Variants in KLHL4 observed in about 807,000 individuals in gnomAD.
The protein encoded by KLHL4 is kelch like family member 4.
KLHL4 carries 17 observed loss-of-function variants against 45.8 expected under a neutral mutation model. That is an observed-to-expected ratio of 0.37 (90% CI 0.25 to 0.56). The LOEUF (loss-of-function observed/expected upper bound fraction) is 0.56, where lower values mean the gene tolerates loss of function less well. Among genes scored for constraint, KLHL4 ranks in the 20% least tolerant of loss-of-function variants. The pLI is 0.79. For missense variants in KLHL4, 544 were observed against 544.9 expected (o/e 1.00, Z 0.02); for synonymous variants, 224 against 189.9 (o/e 1.18, Z -1.47).
At chrX:87,655,521 T>G (rs1384156792) in intron 9 of KLHL4, among the ~76,000 whole-genome samples, 3 of 111,883 alleles carry the variant, frequency 2.7e-5, no homozygotes, top group African/African-American at 9.7e-5. Context: ...CTTGCTTTTG[T>G]TTTCCATTTA....
At chrX:87,635,542 C>T in intron 8 of KLHL4, 21 bp from the exon 9 acceptor site, 5 of 1,163,777 alleles carry the variant, frequency 4.3e-6, no homozygotes, top group Non-Finnish European at 5.9e-6. Context: ...TACATACACA[C>T]AATTCTGTCT....
intron 1 of KLHL4, among the ~76,000 whole-genome samples, chrX:87,524,955 A>G (rs1931079237): frequency 8.9e-6 from 1 of 111,750 alleles, no homozygotes; most frequent in South Asian, 3.7e-4. Flanking sequence ...AAAACTGGGT[A>G]TTGGTTGTTG....
intron 1 of KLHL4, among the ~76,000 whole-genome samples, chrX:87,547,735 G>A (rs1931715834): frequency 9.0e-6 from 1 of 110,632 alleles, no homozygotes; most frequent in African/African-American, 3.3e-5. Context: ...GCAGAAGAAT[G>A]GCGTGAACCC....
At chrX:87,523,957 C>T (rs901009070) in intron 1 of KLHL4, among the ~76,000 whole-genome samples, 8 of 109,715 alleles carry the variant, frequency 7.3e-5, no homozygotes, top group African/African-American at 2.3e-4. Flanking sequence ...AGTGAAACTC[C>T]GTCTCAAAAA....
At chrX:87,591,911 T>C (rs963301888) in intron 1 of KLHL4, among the ~76,000 whole-genome samples, 1 of 111,298 alleles carries the variant, frequency 9.0e-6, no homozygotes. Context: ...AGTTGTTATT[T>C]ACTGCAGTCA....
At chrX:87,659,565 A>T (rs1462639994) in intron 9 of KLHL4, among the ~76,000 whole-genome samples, 1 of 97,114 alleles carries the variant, frequency 1.0e-5, no homozygotes, top group Non-Finnish European at 2.2e-5. Flanking sequence ...TTCAGCTCAA[A>T]AATTTTTACG....
intron 1 of KLHL4, among the ~76,000 whole-genome samples, chrX:87,536,985 C>T (rs1931443675): frequency 1.8e-5 from 2 of 111,145 alleles, no homozygotes; most frequent in African/African-American, 3.3e-5. Flanking sequence ...CATATTGTAT[C>T]ACAAACATTA....
At chrX:87,524,923 A>G (rs943628493) in intron 1 of KLHL4, among the ~76,000 whole-genome samples, 16 of 111,874 alleles carry the variant, frequency 1.4e-4, no homozygotes, top group Non-Finnish European at 3.0e-4. Context: ...CTAAGTCAGC[A>G]ATAAAGGACC....
chrX:87,595,914 T>C, intron 1 of KLHL4, among the ~76,000 whole-genome samples: 1 of 111,782 alleles, frequency 8.9e-6, no homozygotes, highest in Non-Finnish European at 1.9e-5. Context: ...CAAATTTAAT[T>C]CTCCAATGTT....
At chrX:87,622,161 T>A (rs1922770390) in intron 4 of KLHL4, 50 bp from the exon 5 acceptor site, 1 of 839,556 alleles carries the variant, frequency 1.2e-6, no homozygotes. Context: ...CTTATTCCAT[T>A]AAGAAATTTC....
intron 1 of KLHL4, among the ~76,000 whole-genome samples, chrX:87,534,254 C>A (rs1178873609): frequency 9.0e-6 from 1 of 110,694 alleles, no homozygotes; most frequent in Admixed American, 9.7e-5. Context: ...ATGTAGGGAG[C>A]TCATTAAAAA....
chrX:87,669,692 G>C lies in KLHL4; in HGVS notation c.*3158G>C, dbSNP rs1924502350. The C allele has an allele frequency of 1.1e-5, 2 of 189,365 alleles. No individual in the cohort carries two copies. Among genetic ancestry groups the C allele is most frequent in the Non-Finnish European group, 1.9e-5 (2 of 103,744 alleles). 15.6% of individuals were successfully genotyped at this position (189,365 alleles called of 1,213,427 possible). A position where few individuals can be genotyped will look rare whatever the true frequency, so the allele number is the denominator to read the frequency against. ...CAATCACATCACCTGAGGTAGAAGAGATTTTTCAGTTGCTATTTCTCTTCG... is the reference window on the plus strand; with the variant it reads ...CAATCACATCACCTGAGGTAGAAGACATTTTTCAGTTGCTATTTCTCTTCG... On this transcript the variant is annotated 3_prime_UTR_variant, in exon 11 of 11. Coordinates refer to ENST00000373119, the MANE Select transcript of KLHL4 (RefSeq NM_019117.5).
rs1235729797 is a variant in KLHL4, at chrX:87,582,390, A to T, written c.423-31487A>T. 2.7e-5 allele frequency among the ~76,000 whole-genome samples: 3 copies of T among 111,749 alleles called. No homozygotes were observed. In the East Asian group the frequency reaches 8.5e-4, roughly 32 times the overall value. On this transcript the variant is annotated intron_variant, in intron 1 of 10. Transcript: ENST00000373119. ...AGCCTGTCTGAGTATTTTTGTAGGGATAACACAGCAATTGTGGGGAATAGA... is the reference window on the plus strand; with the variant it reads ...AGCCTGTCTGAGTATTTTTGTAGGGTTAACACAGCAATTGTGGGGAATAGA...
intron 1 of KLHL4, among the ~76,000 whole-genome samples, chrX:87,603,903 A>C (rs763005242): frequency 9.1e-6 from 1 of 109,461 alleles, no homozygotes; most frequent in South Asian, 4.0e-4. Flanking sequence ...ACTGCTTCCC[A>C]GTCTCTAGTA....
chrX:87,545,457 G>A (rs2369887), intron 1 of KLHL4, among the ~76,000 whole-genome samples: 26,374 of 110,465 alleles, frequency 0.24, 2,668 homozygotes, highest in East Asian at 0.51. Context: ...ATGCCCTCTC[G>A]CCTGCTGCCA....
At chrX:87,656,042 T>C (rs2147839383) in intron 9 of KLHL4, among the ~76,000 whole-genome samples, 1 of 111,944 alleles carries the variant, frequency 8.9e-6, no homozygotes, top group African/African-American at 3.2e-5. Flanking sequence ...GTAAGGCTTC[T>C]GCTGAGAAGT....
chrX:87,660,485 T>C (rs781180980), intron 9 of KLHL4, among the ~76,000 whole-genome samples: 9 of 112,035 alleles, frequency 8.0e-5, no homozygotes, highest in Non-Finnish European at 1.1e-4. Flanking sequence ...AAAAATGTCT[T>C]GATCAAAAGT....
chrX:87,584,453 G>T (rs781239239), intron 1 of KLHL4, among the ~76,000 whole-genome samples: 2 of 111,860 alleles, frequency 1.8e-5, no homozygotes, highest in Non-Finnish European at 1.9e-5. Flanking sequence ...GAAACACAAA[G>T]AAATTGAAGA....
intron 4 of KLHL4, among the ~76,000 whole-genome samples, chrX:87,619,836 T>A (rs1922689414): frequency 8.9e-6 from 1 of 112,053 alleles, no homozygotes; most frequent in South Asian, 3.7e-4. Flanking sequence ...GTAAATACAG[T>A]AAAATATATA....
Sources: allele counts gnomAD v4.1 joint callset (sites outside exome capture counted in the v4.1 genomes callset), GRCh38; gene constraint gnomAD v4.1.1; transcripts MANE v1.5; gene names NCBI Gene and HGNC (gene_info 2026-07-23, HGNC 2026-07-21).